TAPBP: variants seen among roughly 807,000 people sequenced by gnomAD.
TAPBP encodes the protein tapasin.
In TAPBP, 38 loss-of-function variants were observed where a neutral mutation model predicts 45.7. The observed-to-expected ratio is 0.83, with a 90% CI of 0.64 to 1.09. The LOEUF is 1.09. TAPBP is among the 50% of genes least tolerant of loss of function. The pLI is 0.00. For synonymous variants in TAPBP, 226 were observed against 254.8 expected (o/e 0.89, Z 1.08); for missense variants, 513 against 587.3 (o/e 0.87, Z 1.31).
At chr6:33,310,075 C>A (rs1287764651) in intron 3 of TAPBP, among the ~76,000 whole-genome samples, 2 of 150,748 alleles carry the variant, frequency 1.3e-5, no homozygotes, top group African/African-American at 2.4e-5. Flanking sequence ...CCAGGCTGGT[C>A]TTGAACTCCT....
chr6:33,305,444 G>C lies in TAPBP; in HGVS notation c.470-57C>G. 2.8e-6 allele frequency: 4 copies of C among 1,450,502 alleles called. No individual in the cohort carries two copies. The highest frequency in any genetic ancestry group is 3.7e-6 in the Non-Finnish European group (4 of 1,094,644). The allele number at this position is 1,450,502 out of a possible 1,614,324, so 89.9% of individuals were successfully genotyped here. On this transcript the variant is annotated intron_variant, in intron 3 of 7. Transcript: ENST00000434618. The surrounding 1 kb of genome is among the most constrained non-coding windows in gnomAD (Gnocchi z 4.4). ...GGGGCATGAGGGAGAGAAAGAAGGA[G>C]AAAAAAATAGAGAAATGCAGTTATT... is the stretch of plus-strand genomic sequence containing the variant.
In TAPBP at chr6:33,305,174, A is replaced by G; in HGVS notation, c.683T>C (p.Met228Thr). The G allele has an allele frequency of 1.2e-6, 2 of 1,614,204 alleles. No homozygotes were observed. The highest frequency in any genetic ancestry group is 8.5e-7 in the Non-Finnish European group (1 of 1,180,044). ...CACGGCCCCTTCTTGGGCTGCTGGCATCTGGCCATTCAGCCCAGGAGTTGC... is the reference window on the plus strand; with the variant it reads ...CACGGCCCCTTCTTGGGCTGCTGGCGTCTGGCCATTCAGCCCAGGAGTTGC... Reference protein sequence around the residue: ...LAATPGLNGQMPAAQEGAVAF... With the variant: ...LAATPGLNGQTPAAQEGAVAF... Residue 228 changes from methionine (M) to threonine (T), a missense_variant, in exon 4 of 8, where the codon ATG (methionine) becomes ACG (threonine). By Grantham distance (81) the Met-to-Thr change is moderately conservative. Transcript: ENST00000434618. The surrounding 1 kb of genome is among the most constrained non-coding windows in gnomAD (Gnocchi z 4.4).
intron 3 of TAPBP, among the ~76,000 whole-genome samples, chr6:33,310,468 T>C (rs1358818595): frequency 7.0e-6 from 1 of 143,274 alleles, no homozygotes; most frequent in East Asian, 2.0e-4. Flanking sequence ...ATCACACCAT[T>C]GCACTCCAGC....
Position 33,307,604 on chromosome 6 carries a change from G to C in TAPBP, c.470-2217C>G, listed in dbSNP as rs534650870. Reference sequence around the variant, plus strand: ...TTTGGTAGAGATGGGGTTTCACCATGTTGCCCAGGCTGGTCTTGAACTCCC... The same window carrying C: ...TTTGGTAGAGATGGGGTTTCACCATCTTGCCCAGGCTGGTCTTGAACTCCC... On this transcript the variant is annotated intron_variant, in intron 3 of 7. Coordinates refer to ENST00000434618, the MANE Select transcript of TAPBP (RefSeq NM_003190.5). 1.8e-4 allele frequency among the ~76,000 whole-genome samples: 27 copies of C among 152,064 alleles called. No homozygotes were observed. The South Asian group carries it at 4.2e-3, about 23-fold the overall frequency.
At chr6:33,306,188 C>T (rs893451068) in intron 3 of TAPBP, among the ~76,000 whole-genome samples, 1 of 152,168 alleles carries the variant, frequency 6.6e-6, no homozygotes, top group East Asian at 1.9e-4. Flanking sequence ...TAAGTCTACA[C>T]GTGTTTGCTA....
rs747783286 is a variant in TAPBP, at chr6:33,314,024, C to T, written c.18G>A (p.Leu6=). The T allele has an allele frequency of 6.2e-7, 1 of 1,613,900 alleles. No homozygotes were observed. The highest frequency in any genetic ancestry group is 1.3e-5 in the African/African-American group (1 of 74,926). ...GCTCACCCAAAGCCACAGCGAGGAG[C>T]AGAGACAGGGACTTCATGGCGCTGC... MKSLS[L]LLAVALGLAT... is the part of the protein sequence containing the mutation. Residue 6 remains leucine, a synonymous_variant, in exon 1 of 8, where the codon CTG becomes CTA. Transcript: ENST00000434618.
chr6:33,303,754 A>G (rs1288907114), intron 7 of TAPBP: 2 of 1,551,080 alleles, frequency 1.3e-6, no homozygotes, highest in South Asian at 1.2e-5. Context: ...TAAAATCCCT[A>G]CACCCAAGGA....
intron 3 of TAPBP, among the ~76,000 whole-genome samples, chr6:33,311,864 G>GCCAC (rs1769373486): frequency 6.6e-6 from 1 of 152,132 alleles, no homozygotes; most frequent in Non-Finnish European, 1.5e-5. Flanking sequence ...GGCACCCAGG[G>GCCAC]CCACCCCAGA....
rs1450173378 is a variant in TAPBP, at chr6:33,313,016, TTG to T, written c.469+199_469+200del. The T allele has an allele frequency of 1.0e-5, 5 of 492,132 alleles. No individual in the cohort carries two copies. In the East Asian group the frequency reaches 1.0e-4, roughly 10 times the overall value. The allele number at this position is 492,132 out of a possible 1,614,324, so 30.5% of individuals were successfully genotyped here. A position where few individuals can be genotyped will look rare whatever the true frequency, so the allele number is the denominator to read the frequency against. ...CCCCTGCCAAGCTGCAGTTTTTTTT[TTG>T]TTTTTTTTTTTTAACTGGGTGAGGG... On this transcript the variant is annotated intron_variant, in intron 3 of 7. Coordinates refer to ENST00000434618, the MANE Select transcript of TAPBP (RefSeq NM_003190.5). This position sits in a 1 kb window ranked among gnomAD's most constrained non-coding sequence, Gnocchi z 7.2.
rs1769482165 is a variant in TAPBP at position 33,313,140 on chromosome 6, G to C, written c.469+77C>G. 1 of 1,499,354 alleles carries C rather than the reference G, an allele frequency of 6.7e-7. No homozygotes were observed. Among genetic ancestry groups the C allele is most frequent in the Non-Finnish European group, 9.0e-7 (1 of 1,113,048 alleles). The allele number at this position is 1,499,354 out of a possible 1,614,324, so 92.9% of individuals were successfully genotyped here. A position where few individuals can be genotyped will look rare whatever the true frequency, so the allele number is the denominator to read the frequency against. Reference sequence around the variant, plus strand: ...CCGATTGGCGAAATGTCTTGCTCAAGTCCATAAAGCGAGACCACCGGCTGA... The same window carrying C: ...CCGATTGGCGAAATGTCTTGCTCAACTCCATAAAGCGAGACCACCGGCTGA... On this transcript the variant is annotated intron_variant, in intron 3 of 7. Coordinates refer to ENST00000434618, the MANE Select transcript of TAPBP (RefSeq NM_003190.5). The surrounding 1 kb of genome is among the most constrained non-coding windows in gnomAD (Gnocchi z 7.2).
At chr6:33,308,319 C>G (rs1562693165) in intron 3 of TAPBP, among the ~76,000 whole-genome samples, 1 of 152,046 alleles carries the variant, frequency 6.6e-6, no homozygotes, top group Non-Finnish European at 1.5e-5. Context: ...GCATGGGTGA[C>G]AAGAGTGAAA....
intron 3 of TAPBP, among the ~76,000 whole-genome samples, chr6:33,306,808 G>A (rs1459692614): frequency 3.3e-5 from 5 of 151,990 alleles, no homozygotes; most frequent in African/African-American, 4.8e-5. Flanking sequence ...GTGAAACCCC[G>A]TCTCTACTAA....
chr6:33,310,547 C>A (rs776279192), intron 3 of TAPBP, among the ~76,000 whole-genome samples: 30 of 138,338 alleles, frequency 2.2e-4, no homozygotes, highest in Non-Finnish European at 4.1e-4. Flanking sequence ...TGGGGCCAGG[C>A]AGCTCACACG....
intron 7 of TAPBP, chr6:33,303,580 G>T (rs1768729931): frequency 4.1e-6 from 3 of 728,986 alleles, no homozygotes; most frequent in Non-Finnish European, 4.3e-6. Context: ...TCTGACCCAA[G>T]CATTTCAGAT....
rs138546685 is a variant in TAPBP, at chr6:33,300,339, T to G, written c.*1421A>C. On this transcript the variant is annotated 3_prime_UTR_variant, in exon 8 of 8. Transcript: ENST00000434618. ...ACTATGTCAGGGGGTTTGTGAGATT[T>G]TATAACAAAATTAAGATGTTAGTAC... 5.5e-4 allele frequency: 85 copies of G among 153,508 alleles called. No homozygotes were observed. Among genetic ancestry groups the G allele is most frequent in the Non-Finnish European group, 9.1e-4 (62 of 68,030 alleles). 9.5% of individuals were successfully genotyped at this position (153,508 alleles called of 1,614,324 possible). A position where few individuals can be genotyped will look rare whatever the true frequency, so the allele number is the denominator to read the frequency against.
chr6:33,299,783 G>A lies in TAPBP; in HGVS notation c.*1977C>T, dbSNP rs1249282349. 2 of 152,376 alleles carry A rather than the reference G, an allele frequency of 1.3e-5. No homozygotes were observed. Among genetic ancestry groups the A allele is most frequent in the African/African-American group, 4.8e-5 (2 of 41,448 alleles). The allele number at this position is 152,376 out of a possible 1,614,324, so 9.4% of individuals were successfully genotyped here. On this transcript the variant is annotated 3_prime_UTR_variant, in exon 8 of 8. Transcript: ENST00000434618. The surrounding 1 kb of genome is among the most constrained non-coding windows in gnomAD (Gnocchi z 5.0). The stretch of plus-strand genomic sequence containing the variant: ...CGACCGTCCTGACTCGGAGATCCCT[G>A]AGCTGCGCCGCCGCTTCCTTCGTCA...
At position 33,313,701 on chromosome 6, in the gene TAPBP, AC is replaced by A. The variant is rs1769546874; in HGVS notation, c.200del (p.Ser67MetfsTer27). The A allele has an allele frequency of 1.2e-6, 2 of 1,612,724 alleles. No individual in the cohort carries two copies. Among genetic ancestry groups the A allele is most frequent in the Non-Finnish European group, 1.7e-6 (2 of 1,179,628 alleles). ...RPDLDPELYLSVHDPAGALQA... is the reference protein window; with the variant it reads ...RPDLDPELYLXVHDPAGALQA... ...GAGTCCCTAGAGACTCACCGTGTAC[AC>A]TGAGATAGAGCTCAGGGTCGAGGTC... is the stretch of plus-strand genomic sequence containing the variant. On this transcript the variant is annotated frameshift_variant, in exon 2 of 8. Transcript: ENST00000434618. LOFTEE classifies it high-confidence loss of function. This position sits in a 1 kb window ranked among gnomAD's most constrained non-coding sequence, Gnocchi z 7.2.
chr6:33,313,574 G>A lies in TAPBP; in HGVS notation c.209-97C>T. 2 of 1,521,522 alleles carry A rather than the reference G, an allele frequency of 1.3e-6. No homozygotes were observed. The highest frequency in any genetic ancestry group is 1.8e-6 in the Non-Finnish European group (2 of 1,131,694). 94.3% of individuals were successfully genotyped at this position (1,521,522 alleles called of 1,614,324 possible). ...GAACTTCAAATGCACAGACTACCCC[G>A]TAGTGAGACTCACTTTACAAAGGGG... On this transcript the variant is annotated intron_variant, in intron 2 of 7. Transcript: ENST00000434618. The surrounding 1 kb of genome is among the most constrained non-coding windows in gnomAD (Gnocchi z 7.2).
chr6:33,303,526 G>A, intron 7 of TAPBP: 2 of 548,042 alleles, frequency 3.6e-6, no homozygotes, highest in Non-Finnish European at 6.4e-6. Context: ...TTAAATATAT[G>A]CAAATATTCC....
Sources: gnomAD v4.1 joint callset for allele counts (sites outside exome capture counted in the v4.1 genomes callset) on GRCh38, gnomAD v4.1.1 for gene constraint, Gnocchi (gnomAD v3.1) non-coding constraint, MANE v1.5 for transcripts, NCBI Gene and HGNC (gene_info 2026-07-23, HGNC 2026-07-21) for gene names.